PRR16: variants seen among roughly 807,000 people sequenced by gnomAD.
PRR16 encodes proline rich 16.
A neutral mutation model predicts 18.2 loss-of-function variants in PRR16; 6 were observed. The ratio of observed to expected loss-of-function variants is 0.33; its 90% CI spans 0.18 to 0.65. The LOEUF is 0.65. PRR16 is among the 30% of genes least tolerant of loss of function. PRR16 has a pLI of 0.74. For synonymous variants in PRR16, 151 were observed against 147.8 expected (o/e 1.02, Z -0.16); for missense variants, 412 against 376.6 (o/e 1.09, Z -0.78).
intron 1 of PRR16, among the ~76,000 whole-genome samples, chr5:120,579,030 T>A (rs149992816): frequency 5.4e-4 from 83 of 152,348 alleles, no homozygotes; most frequent in African/African-American, 1.8e-3. Context: ...CATATATTTG[T>A]TGGCTGCATA....
chr5:120,780,703 A>G, the PRR16 span, among the ~76,000 whole-genome samples: 3 of 152,190 alleles, frequency 2.0e-5, no homozygotes, highest in African/African-American at 7.2e-5. Context: ...GTATAAGGAT[A>G]TTATCAGTAT....
chr5:120,704,982 A>G, the PRR16 span, among the ~76,000 whole-genome samples: 1 of 152,050 alleles, frequency 6.6e-6, no homozygotes, highest in Non-Finnish European at 1.5e-5. Context: ...TGAGCTAGAG[A>G]TCCATTTAAG....
intron 1 of PRR16, among the ~76,000 whole-genome samples, chr5:120,491,992 A>G (rs967821745): frequency 1.3e-5 from 2 of 152,124 alleles, no homozygotes; most frequent in African/African-American, 2.4e-5. Context: ...GAATGACACA[A>G]TTACCAATAT....
chr5:120,503,017 T>C (rs1348596951), intron 1 of PRR16, among the ~76,000 whole-genome samples: 1 of 152,168 alleles, frequency 6.6e-6, no homozygotes, highest in Non-Finnish European at 1.5e-5. Context: ...ATGTTATGCA[T>C]TGAAACATAT....
intron 1 of PRR16, among the ~76,000 whole-genome samples, chr5:120,531,102 T>C (rs1017758340): frequency 6.6e-6 from 1 of 152,206 alleles, no homozygotes; most frequent in African/African-American, 2.4e-5. Flanking sequence ...ATTCAAATTA[T>C]ACTAGCTCAG....
chr5:120,603,251 T>C (rs1050652904), intron 1 of PRR16, among the ~76,000 whole-genome samples: 2 of 152,106 alleles, frequency 1.3e-5, no homozygotes, highest in African/African-American at 4.8e-5. Flanking sequence ...TCGTAATTAG[T>C]CTGTTCAAGA....
At chr5:120,671,517 G>C (rs529213535) in intron 1 of PRR16, among the ~76,000 whole-genome samples, 7 of 152,172 alleles carry the variant, frequency 4.6e-5, no homozygotes, top group Non-Finnish European at 1.0e-4. Context: ...GGAGAGGATA[G>C]AGTTTTCTGA....
At chr5:120,784,176 C>T in the PRR16 span, among the ~76,000 whole-genome samples, 1 of 152,226 alleles carries the variant, frequency 6.6e-6, no homozygotes, top group Non-Finnish European at 1.5e-5. Context: ...CATGGGAGTG[C>T]AGATATCTCT....
At chr5:120,690,563 G>T (rs927495743), downstream of PRR16, among the ~76,000 whole-genome samples, 4 of 152,138 alleles carry the variant, frequency 2.6e-5, no homozygotes, top group Admixed American at 6.6e-5. Flanking sequence ...TCTATAAAAA[G>T]CCATATCACG....
At chr5:120,692,189 G>A (rs546744162), downstream of PRR16, among the ~76,000 whole-genome samples, 1 of 152,240 alleles carries the variant, frequency 6.6e-6, no homozygotes, top group Non-Finnish European at 1.5e-5. Flanking sequence ...TTAGAAGGCT[G>A]TTGGGAGATA....
intron 1 of PRR16, among the ~76,000 whole-genome samples, chr5:120,530,283 ATTTATTTATT>A (rs1179735188): frequency 5.4e-4 from 48 of 88,286 alleles, no homozygotes; most frequent in African/African-American, 2.1e-3. Context: ...ATATATATAT[ATTTATTTATT>A]TATTTATTTA....
At chr5:120,790,353 G>T in the PRR16 span, 1 of 152,114 alleles carries the variant, frequency 6.6e-6, no homozygotes, top group Admixed American at 6.6e-5. Flanking sequence ...TTAATATTAA[G>T]CAATTAAACC....
the PRR16 span, among the ~76,000 whole-genome samples, chr5:120,701,926 G>T: frequency 2.6e-5 from 4 of 152,156 alleles, no homozygotes; most frequent in African/African-American, 7.2e-5. Flanking sequence ...TGGAACGACT[G>T]TCGAATTTGT....
intron 1 of PRR16, among the ~76,000 whole-genome samples, chr5:120,467,004 G>A (rs1024181259): frequency 1.3e-5 from 2 of 152,138 alleles, no homozygotes; most frequent in Non-Finnish European, 2.9e-5. Context: ...AATATTTTGA[G>A]AACAAAGTAT....
chr5:120,683,700 C>A (rs1757039505), intron 1 of PRR16, among the ~76,000 whole-genome samples: 1 of 152,038 alleles, frequency 6.6e-6, no homozygotes, highest in Non-Finnish European at 1.5e-5. Context: ...AGTAATGTCA[C>A]ATGACTAACC....
At chr5:120,780,920 G>A in the PRR16 span, among the ~76,000 whole-genome samples, 1 of 152,066 alleles carries the variant, frequency 6.6e-6, no homozygotes, top group Non-Finnish European at 1.5e-5. Flanking sequence ...CGTGGTGGCA[G>A]GCACCTGTAA....
chr5:120,634,872 A>G (rs1597284), intron 1 of PRR16, among the ~76,000 whole-genome samples: 10,481 of 152,222 alleles, frequency 0.069, 402 homozygotes, highest in East Asian at 0.14. Context: ...CATTAGCAAG[A>G]TTCACCAAGA....
At chr5:120,672,542 G>GTT (rs765469980) in intron 1 of PRR16, among the ~76,000 whole-genome samples, 2 of 68,794 alleles carry the variant, frequency 2.9e-5, no homozygotes, top group Non-Finnish European at 3.5e-5. Context: ...AGATATATAT[G>GTT]TGTGTGTGTG....
the PRR16 span, among the ~76,000 whole-genome samples, chr5:120,698,579 T>C: frequency 6.7e-6 from 1 of 150,134 alleles, no homozygotes; most frequent in Non-Finnish European, 1.5e-5. Context: ...AGACAGAAGA[T>C]AGTAGGGATG....
Sources: gnomAD v4.1 joint callset for allele counts (sites outside exome capture counted in the v4.1 genomes callset) on GRCh38, gnomAD v4.1.1 for gene constraint, MANE v1.5 for transcripts, NCBI Gene and HGNC (gene_info 2026-07-23, HGNC 2026-07-21) for gene names.